The following FOXN3 variants were observed in gnomAD, a reference collection of about 807,000 sequenced individuals.
FOXN3 encodes the protein forkhead box protein N3.
A neutral mutation model predicts 38.4 loss-of-function variants in FOXN3; 7 were observed. The ratio of observed to expected loss-of-function variants is 0.18; its 90% confidence interval spans 0.10 to 0.34. FOXN3 has a LOEUF of 0.34. FOXN3 is among the 10% of genes least tolerant of loss of function. The pLI is 1.00. For synonymous variants in FOXN3, 230 were observed against 242.2 expected (o/e 0.95, Z 0.47); for missense variants, 456 against 613.4 (o/e 0.74, Z 2.71).
chr14:89,417,893 C>T (rs1287818695), upstream of FOXN3: 1 of 367,048 alleles, frequency 2.7e-6, no homozygotes, highest in East Asian at 8.2e-5. Context: ...AAGGCCACGC[C>T]GGTGGGGCCT....
intron 1 of FOXN3, among the ~76,000 whole-genome samples, chr14:89,504,952 TC>T (rs1006413943): frequency 1.3e-5 from 2 of 152,044 alleles, no homozygotes; most frequent in African/African-American, 4.8e-5. Context: ...AGTACTTTCT[TC>T]CCCAACAGAA....
chr14:89,200,130 T>C (rs181465575), intron 4 of FOXN3, among the ~76,000 whole-genome samples: 1 of 152,214 alleles, frequency 6.6e-6, no homozygotes, highest in East Asian at 1.9e-4. Flanking sequence ...AAGCTCTACA[T>C]TTCATTGGGG....
At chr14:89,169,962 GA>G (rs1887345843) in intron 5 of FOXN3, among the ~76,000 whole-genome samples, 2 of 151,958 alleles carry the variant, frequency 1.3e-5, no homozygotes, top group African/African-American at 4.8e-5. Context: ...ATTTAAAAAA[GA>G]AAAAAGAAGC....
rs549674830 is a variant in FOXN3 at position 89,501,113 on chromosome 14, T to C, written c.-14-88623A>G. On this transcript the variant is annotated intron_variant, in intron 1 of 6. Coordinates refer to the FOXN3 transcript ENST00000345097. ...AGATATCTAGCCATCGAGGAAGTGG[T>C]AAGATGTATTTTTTCCTTTTTCTAA... 3.9e-5 allele frequency among the ~76,000 whole-genome samples: 6 copies of C among 152,256 alleles called. No homozygotes were observed. In the South Asian group the frequency reaches 6.2e-4, roughly 16 times the overall value.
chr14:89,300,372 G>T (rs988596013), intron 3 of FOXN3, among the ~76,000 whole-genome samples: 1 of 152,028 alleles, frequency 6.6e-6, no homozygotes, highest in African/African-American at 2.4e-5. Context: ...TATAGAGACA[G>T]GGTTTCACTA....
intron 1 of FOXN3, among the ~76,000 whole-genome samples, chr14:89,544,412 T>C (rs542227890): frequency 6.6e-6 from 1 of 152,072 alleles, no homozygotes; most frequent in East Asian, 1.9e-4. Context: ...CAGGTCGTTG[T>C]AAACTTAAAA....
chr14:89,192,500 T>C (rs1887981936), intron 4 of FOXN3, among the ~76,000 whole-genome samples: 1 of 141,328 alleles, frequency 7.1e-6, no homozygotes, highest in East Asian at 2.0e-4. Context: ...ATAGTTAACA[T>C]TTTATAAACT....
chr14:89,561,053 T>C (rs1320211736), intron 1 of FOXN3, among the ~76,000 whole-genome samples: 1 of 152,210 alleles, frequency 6.6e-6, no homozygotes, highest in Non-Finnish European at 1.5e-5. Context: ...GAACGGCTTC[T>C]ACCTGGAGCA....
chr14:89,387,433 T>C (rs146331572), intron 2 of FOXN3, among the ~76,000 whole-genome samples: 16 of 152,332 alleles, frequency 1.1e-4, no homozygotes, highest in African/African-American at 3.1e-4. Flanking sequence ...AGAAAGGCAT[T>C]ATCCTCTCAT....
chr14:89,453,311 C>T (rs1375961781), intron 1 of FOXN3, among the ~76,000 whole-genome samples: 1 of 151,976 alleles, frequency 6.6e-6, no homozygotes, highest in Non-Finnish European at 1.5e-5. Context: ...AATCCCAGCA[C>T]TTTGGGAGGC....
intron 4 of FOXN3, among the ~76,000 whole-genome samples, chr14:89,255,576 A>G (rs116685764): frequency 1.3e-5 from 2 of 151,092 alleles, no homozygotes; most frequent in African/African-American, 2.4e-5. Context: ...CCCATCCAAC[A>G]CTCTTCTCCT....
At chr14:89,505,716 G>A (rs1437072422) in intron 1 of FOXN3, among the ~76,000 whole-genome samples, 1 of 152,020 alleles carries the variant, frequency 6.6e-6, no homozygotes, top group African/African-American at 2.4e-5. Flanking sequence ...GAAGTGAGGA[G>A]CGTCTCTGCC....
rs890501556 is a variant in FOXN3, at chr14:89,345,563, G to A, written c.680+5109C>T. Among the ~76,000 whole-genome samples, 8 of 151,986 alleles carry A rather than the reference G, an allele frequency of 5.3e-5. No individual in the cohort carries two copies. In the East Asian group the frequency reaches 5.8e-4, roughly 11 times the overall value. On this transcript the variant is annotated intron_variant, in intron 3 of 5. Coordinates refer to ENST00000557258, the MANE Select transcript of FOXN3 (RefSeq NM_005197.4). ...GGATAAATTCTTTAGTGGTGATTTC[G>A]GAGATTTTAGTGCACTTGTCACCCC...
At chr14:89,481,750 A>C (rs1465198898) in intron 1 of FOXN3, among the ~76,000 whole-genome samples, 1 of 152,242 alleles carries the variant, frequency 6.6e-6, no homozygotes, top group African/African-American at 2.4e-5. Flanking sequence ...TAAATGAAGC[A>C]ACGCAACAAA....
chr14:89,328,994 C>T (rs1206355362), intron 3 of FOXN3, among the ~76,000 whole-genome samples: 3 of 152,234 alleles, frequency 2.0e-5, no homozygotes, highest in Admixed American at 2.0e-4. Context: ...CCTCCTCCAT[C>T]TCAGCTTACC....
At chr14:89,300,387 G>C (rs570570183) in intron 3 of FOXN3, among the ~76,000 whole-genome samples, 52 of 152,040 alleles carry the variant, frequency 3.4e-4, no homozygotes, top group Non-Finnish European at 6.2e-4. Flanking sequence ...TCACTATGTT[G>C]GCCAGGTTGG....
intron 4 of FOXN3, chr14:89,183,924 G>A (rs943776081): frequency 6.6e-6 from 1 of 152,130 alleles, no homozygotes; most frequent in Non-Finnish European, 1.5e-5. Flanking sequence ...TAAGTAAGAT[G>A]GGGGACAAAA....
intron 1 of FOXN3, among the ~76,000 whole-genome samples, chr14:89,602,064 T>G (rs143447002): frequency 1.2e-4 from 19 of 152,264 alleles, no homozygotes; most frequent in African/African-American, 4.6e-4. Flanking sequence ...ATTTTTATTT[T>G]GGCAACTTTC....
chr14:89,187,221 C>T (rs1887829401), intron 4 of FOXN3, among the ~76,000 whole-genome samples: 1 of 152,196 alleles, frequency 6.6e-6, no homozygotes, highest in Non-Finnish European at 1.5e-5. Flanking sequence ...GGGCATCTAG[C>T]AGCCCAAGAG....
Sources: allele counts gnomAD v4.1 joint callset (sites outside exome capture counted in the v4.1 genomes callset), GRCh38; gene constraint gnomAD v4.1.1; transcripts MANE v1.5; gene names NCBI Gene and HGNC (gene_info 2026-07-23, HGNC 2026-07-21).